Variants in ADAT1 observed in about 807,000 individuals in gnomAD.
ADAT1 encodes the protein tRNA-specific adenosine deaminase 1.
A neutral mutation model predicts 58.6 loss-of-function variants in ADAT1; 58 were observed. The observed-to-expected ratio is 0.99, with a 90% CI of 0.80 to 1.23. The LOEUF (loss-of-function observed/expected upper bound fraction) is 1.23. Among genes scored for constraint, ADAT1 ranks in the 50% most tolerant of loss-of-function variants. ADAT1 has a pLI of 0.00. For synonymous variants in ADAT1, 254 were observed against 220.8 expected, an observed-to-expected ratio of 1.15 and a Z score of -1.33; for missense variants, 741 against 608.6, an observed-to-expected ratio of 1.22 and a Z score of -2.29.
intron 9 of ADAT1, among the ~76,000 whole-genome samples, chr16:75,602,654 A>T (rs574868154): frequency 2.6e-5 from 4 of 152,222 alleles, no homozygotes; most frequent in Non-Finnish European, 5.9e-5. Flanking sequence ...CACTGCACCC[A>T]TCTACCTGTT....
chr16:75,597,323 G>A lies in ADAT1; in HGVS notation c.*2893C>T, dbSNP rs2081094016. ...GCGAGACACAGACACAGAAGGCCAT[G>A]TGAAGACGGAGGGAGAAACTGAAGT... On this transcript the variant is annotated 3_prime_UTR_variant, in exon 10 of 10. Coordinates refer to ENST00000564657, the MANE Select transcript of ADAT1 (RefSeq NM_001324445.2). 4.5e-6 allele frequency: 2 copies of A among 442,404 alleles called. No individual in the cohort carries two copies. The highest frequency in any genetic ancestry group is 9.0e-6 in the Non-Finnish European group (2 of 221,032). The allele number at this position is 442,404 out of a possible 1,614,324, so 27.4% of individuals were successfully genotyped here.
At chr16:75,622,030 G>A (rs1295473336) in intron 1 of ADAT1, among the ~76,000 whole-genome samples, 1 of 152,154 alleles carries the variant, frequency 6.6e-6, no homozygotes, top group Non-Finnish European at 1.5e-5. Flanking sequence ...CGTGCCTGTA[G>A]TCCCAGCTAC....
rs1164729707 is a variant in ADAT1, at chr16:75,598,871, T to TTA, written c.*1343_*1344dup. On this transcript the variant is annotated 3_prime_UTR_variant, in exon 10 of 10. Coordinates refer to ENST00000564657, the MANE Select transcript of ADAT1 (RefSeq NM_001324445.2). ...TTGGGTGAATTTTATGGTCTGTGAA[T>TTA]TATATCTCAATACAACTGTTATTTA... The TTA allele has an allele frequency of 4.1e-6, 4 of 979,834 alleles. No individual in the cohort carries two copies. Among genetic ancestry groups the TTA allele is most frequent in the Non-Finnish European group, 3.6e-6 (3 of 825,154 alleles). The allele number at this position is 979,834 out of a possible 1,614,324, so 60.7% of individuals were successfully genotyped here.
Position 75,597,276 on chromosome 16 carries a change from C to T in ADAT1, c.*2940G>A. 2.7e-6 allele frequency: 1 copy of T among 375,676 alleles called. No homozygotes were observed. Among genetic ancestry groups the T allele is most frequent in the African/African-American group, 2.1e-5 (1 of 47,704 alleles). The allele number at this position is 375,676 out of a possible 1,614,324, so 23.3% of individuals were successfully genotyped here. On this transcript the variant is annotated 3_prime_UTR_variant, in exon 10 of 10. Coordinates refer to ENST00000564657, the MANE Select transcript of ADAT1 (RefSeq NM_001324445.2). Reference sequence around the variant, plus strand: ...CTTATAAGTAGGCCATGGAAAGACACAGACACAGGGAAGAAGGCCATGCGA... The same window carrying T: ...CTTATAAGTAGGCCATGGAAAGACATAGACACAGGGAAGAAGGCCATGCGA...
At chr16:75,616,004 CTTTT>C (rs529617080) in intron 5 of ADAT1, among the ~76,000 whole-genome samples, 11 of 144,936 alleles carry the variant, frequency 7.6e-5, no homozygotes, top group African/African-American at 2.5e-4. Flanking sequence ...TCTTCTCTCT[CTTTT>C]TTTTTTTTTC....
intron 8 of ADAT1, 48 bp from the exon 9 acceptor site, chr16:75,603,219 T>G (rs1231989382): frequency 1.3e-6 from 2 of 1,523,758 alleles, no homozygotes; most frequent in East Asian, 2.3e-5. Context: ...GTTTAGTATG[T>G]TCTAAGCCCC....
At chr16:75,608,372 A>C in intron 7 of ADAT1, 49 bp from the exon 8 acceptor site, 1 of 1,432,266 alleles carries the variant, frequency 7.0e-7, no homozygotes, top group Non-Finnish European at 9.8e-7. Flanking sequence ...TTTCTTGTGA[A>C]AGTCAGAAGT....
At chr16:75,620,238 C>T (rs371316276) in intron 3 of ADAT1, 28 bp downstream of exon 3, 1 of 1,611,430 alleles carries the variant, frequency 6.2e-7, no homozygotes, top group Non-Finnish European at 8.5e-7. Context: ...CAAGCTAAAT[C>T]TTTGTTTAGA....
At position 75,617,135 on chromosome 16, in the gene ADAT1, T is replaced by C. The variant is rs773485691; in HGVS notation, c.424+7A>G. ...TAACATTAATCCAAAGGCTTGAATA[T>C]ACTTACAGGGTGTATGGCTGGAGAA... On this transcript the variant is annotated splice_region_variant and intron_variant, in intron 5 of 9. Transcript: ENST00000564657. 3 of 1,606,874 alleles carry C rather than the reference T, an allele frequency of 1.9e-6. No individual in the cohort carries two copies. The highest frequency in any genetic ancestry group is 2.6e-6 in the Non-Finnish European group (3 of 1,174,412).
chr16:75,614,461 T>C (rs1024464021), intron 5 of ADAT1, among the ~76,000 whole-genome samples: 1 of 152,092 alleles, frequency 6.6e-6, no homozygotes, highest in Non-Finnish European at 1.5e-5. Flanking sequence ...ACCTGATGAG[T>C]GTTGCTTTTC....
intron 4 of ADAT1, among the ~76,000 whole-genome samples, chr16:75,617,910 C>T (rs1423463572): frequency 7.5e-6 from 1 of 133,656 alleles, no homozygotes; most frequent in Non-Finnish European, 1.5e-5. Flanking sequence ...AGCATAGTGA[C>T]ACCCTGTCTT....
intron 5 of ADAT1, among the ~76,000 whole-genome samples, chr16:75,614,318 A>C (rs779939130): frequency 6.6e-6 from 1 of 152,206 alleles, no homozygotes; most frequent in Non-Finnish European, 1.5e-5. Context: ...AATGTTTCCA[A>C]AATTTCCAGT....
chr16:75,620,542 C>T lies in ADAT1; in HGVS notation c.169+89G>A. Reference sequence around the variant, plus strand: ...ATATGCCTAACATCGTAGTTCACACCCTACCCACGACTGTACCCTCACAGT... The same window carrying T: ...ATATGCCTAACATCGTAGTTCACACTCTACCCACGACTGTACCCTCACAGT... On this transcript the variant is annotated intron_variant, in intron 2 of 9. Transcript: ENST00000564657. 4 of 1,511,428 alleles carry T rather than the reference C, an allele frequency of 2.6e-6. No homozygotes were observed. In the South Asian group the frequency reaches 4.9e-5, roughly 18 times the overall value. 93.6% of individuals were successfully genotyped at this position (1,511,428 alleles called of 1,614,324 possible).
At chr16:75,610,292 T>A (rs72789442) in intron 6 of ADAT1, among the ~76,000 whole-genome samples, 41 of 152,198 alleles carry the variant, frequency 2.7e-4, no homozygotes, top group Non-Finnish European at 5.3e-4. Flanking sequence ...GTTATATACA[T>A]ATACACTTTT....
At chr16:75,622,013 G>C (rs2081946133) in intron 1 of ADAT1, among the ~76,000 whole-genome samples, 1 of 152,230 alleles carries the variant, frequency 6.6e-6, no homozygotes, top group Admixed American at 6.5e-5. Flanking sequence ...AGCCGGGCGT[G>C]ATGGCGCGTG....
chr16:75,608,429 G>T, intron 7 of ADAT1, 106 bp from the exon 8 acceptor site: 1 of 943,418 alleles, frequency 1.1e-6, no homozygotes, highest in Non-Finnish European at 1.6e-6. Context: ...ATGAGAGCTG[G>T]ATATGATGTC....
At chr16:75,618,565 A>G in intron 4 of ADAT1, 21 bp downstream of exon 4, 1 of 1,549,686 alleles carries the variant, frequency 6.5e-7, no homozygotes, top group Non-Finnish European at 8.8e-7. Context: ...GCTGAACCAT[A>G]CTCTGGAGAT....
intron 4 of ADAT1, among the ~76,000 whole-genome samples, chr16:75,618,141 T>C (rs1452452807): frequency 6.9e-6 from 1 of 144,444 alleles, no homozygotes; most frequent in Non-Finnish European, 1.5e-5. Context: ...ACCACTAGTC[T>C]AGACCACATT....
Position 75,603,089 on chromosome 16 carries a change from G to A in ADAT1, c.1372C>T (p.Leu458Phe), listed in dbSNP as rs780422346. The part of the protein sequence containing the change: ...RIARDKWPHS[L>F]RVQKLDTYQE... ...AACATAGGTCAACAGCATCACCTGA[G>A]GGAGTGTGGCCACTTGTCCCTTGCA... The change falls in exon 9 of 10, where the codon CTC becomes TTC. Residue 458 changes from leucine (L) to phenylalanine (F), a missense_variant. By Grantham distance (22) the Leu-to-Phe change is conservative. Transcript: ENST00000564657. 5 of 1,613,600 alleles carry A rather than the reference G, an allele frequency of 3.1e-6. No homozygotes were observed. Among genetic ancestry groups the A allele is most frequent in the Admixed American group, 1.7e-5 (1 of 60,008 alleles).
Sources: gnomAD v4.1 joint callset for allele counts (sites outside exome capture counted in the v4.1 genomes callset) on GRCh38, gnomAD v4.1.1 for gene constraint, MANE v1.5 for transcripts, NCBI Gene and HGNC (gene_info 2026-07-23, HGNC 2026-07-21) for gene names.